PVT1: variants seen among roughly 807,000 people sequenced by gnomAD.
The protein encoded by PVT1 is Pvt1 oncogene, also known as CXCR4/PVT1 fusion.
At chr8:127,939,744 C>G (rs1048832479) in intron 3 of PVT1, 2 of 152,216 alleles carry the variant, frequency 1.3e-5, no homozygotes, top group African/African-American at 4.8e-5. Flanking sequence ...AGGCCTAAGA[C>G]CAGACCTAAG....
intron 3 of PVT1, among the ~76,000 whole-genome samples, chr8:127,944,176 C>T (rs1816388839): frequency 6.6e-6 from 1 of 152,176 alleles, no homozygotes; most frequent in Non-Finnish European, 1.5e-5. Flanking sequence ...CATCCTCAAA[C>T]TCCTGGGCTC....
At chr8:127,942,036 A>T (rs1045964397) in intron 3 of PVT1, among the ~76,000 whole-genome samples, 2 of 152,170 alleles carry the variant, frequency 1.3e-5, no homozygotes, top group Non-Finnish European at 2.9e-5. Context: ...GGGCACCCTG[A>T]GTCCCAGGTC....
intron 3 of PVT1, among the ~76,000 whole-genome samples, chr8:127,899,658 G>C (rs779326773): frequency 6.6e-6 from 1 of 152,186 alleles, no homozygotes; most frequent in Non-Finnish European, 1.5e-5. Context: ...TGATTATTTG[G>C]GGAGGGAGCC....
At chr8:127,895,569 G>A (rs563325576) in intron 3 of PVT1, among the ~76,000 whole-genome samples, 2 of 152,192 alleles carry the variant, frequency 1.3e-5, no homozygotes, top group African/African-American at 4.8e-5. Context: ...TTCATTCAGT[G>A]CCAGGCATAT....
At chr8:127,913,420 G>A (rs1290847253) in intron 3 of PVT1, among the ~76,000 whole-genome samples, 1 of 152,212 alleles carries the variant, frequency 6.6e-6, no homozygotes, top group Non-Finnish European at 1.5e-5. Context: ...GGGAGGCCAT[G>A]GGGTGTTAAG....
chr8:127,847,433 A>G (rs894025700), intron 2 of PVT1, among the ~76,000 whole-genome samples: 1 of 152,216 alleles, frequency 6.6e-6, no homozygotes, highest in Non-Finnish European at 1.5e-5. Context: ...CTACAAAAGC[A>G]TGTGCCCTTT....
At chr8:127,835,777 G>A (rs1814902754) in intron 2 of PVT1, among the ~76,000 whole-genome samples, 3 of 152,158 alleles carry the variant, frequency 2.0e-5, no homozygotes, top group African/African-American at 7.2e-5. Flanking sequence ...GTCAAGAAGA[G>A]GTTGGAATCA....
Position 128,083,111 on chromosome 8 carries a change from T to C in PVT1, n.1114+12750T>C, listed in dbSNP as rs80012528. On this transcript the variant is annotated intron_variant and non_coding_transcript_variant, in intron 5 of 10. Coordinates refer to ENST00000651587, the Ensembl canonical transcript of PVT1. The stretch of plus-strand genomic sequence containing the variant: ...TAATCTTGGCTCTGTGGCGTGACTT[T>C]AGACAAGTCACTTAGCTTCTCTGTG... Among the ~76,000 whole-genome samples the C allele has an allele frequency of 3.9e-3, 589 of 152,372 alleles. 2 individuals are homozygous for C. The highest frequency in any genetic ancestry group is 0.014 in the African/African-American group (566 of 41,592).
chr8:127,942,051 G>C (rs556351067), intron 3 of PVT1, among the ~76,000 whole-genome samples: 2 of 152,292 alleles, frequency 1.3e-5, no homozygotes, highest in Non-Finnish European at 2.9e-5. Flanking sequence ...CAGGTCCCCA[G>C]GCCCACAGAT....
intron 3 of PVT1, among the ~76,000 whole-genome samples, chr8:127,962,193 T>C (rs1816651811): frequency 6.6e-6 from 1 of 152,072 alleles, no homozygotes; most frequent in South Asian, 2.1e-4. Flanking sequence ...TCTCAATCTC[T>C]TGATCTCGTG....
intron 3 of PVT1, among the ~76,000 whole-genome samples, chr8:127,926,658 C>G (rs1214636414): frequency 6.6e-6 from 1 of 152,208 alleles, no homozygotes; most frequent in Non-Finnish European, 1.5e-5. Flanking sequence ...CTTCCTTTCT[C>G]CTGAGGTTGC....
intron 6 of PVT1, among the ~76,000 whole-genome samples, chr8:128,100,342 C>G (rs1295278998): frequency 1.3e-5 from 2 of 152,110 alleles, no homozygotes; most frequent in South Asian, 2.1e-4. Context: ...TCCTGGAGAT[C>G]GATGCATCCA....
chr8:127,865,975 G>T (rs886717132), intron 2 of PVT1, among the ~76,000 whole-genome samples: 1 of 152,160 alleles, frequency 6.6e-6, no homozygotes, highest in Non-Finnish European at 1.5e-5. Flanking sequence ...AAGTAGGCAG[G>T]GTTTGCAGAT....
chr8:128,021,289 G>GTTTTTTTTT (rs1332480547), intron 4 of PVT1, among the ~76,000 whole-genome samples: 7 of 54,880 alleles, frequency 1.3e-4, no homozygotes, highest in Admixed American at 2.3e-4. Flanking sequence ...CAGGACTTGT[G>GTTTTTTTTT]CTTTTTTTTT....
chr8:127,857,395 G>A (rs1815173813), intron 2 of PVT1, among the ~76,000 whole-genome samples: 1 of 152,044 alleles, frequency 6.6e-6, no homozygotes. Context: ...GGACAGGCTG[G>A]GGCATGGTGG....
chr8:128,097,036 G>C (rs2542412), intron 6 of PVT1, among the ~76,000 whole-genome samples: 31,089 of 152,098 alleles, frequency 0.2, 3,536 homozygotes, highest in East Asian at 0.4. Context: ...ACAACTCTAG[G>C]GTTACCTTTA....
chr8:127,994,645 C>T (rs1445767778), intron 4 of PVT1, among the ~76,000 whole-genome samples: 3 of 152,130 alleles, frequency 2.0e-5, no homozygotes, highest in Non-Finnish European at 4.4e-5. Context: ...AAGGTATTGG[C>T]TCATGCAATT....
chr8:127,909,483 G>A (rs1207985632), intron 3 of PVT1, among the ~76,000 whole-genome samples: 2 of 152,228 alleles, frequency 1.3e-5, no homozygotes, highest in Non-Finnish European at 2.9e-5. Flanking sequence ...TTTCCCAGCT[G>A]CAAAATGAGT....
At chr8:127,885,263 A>T (rs940026118) in intron 2 of PVT1, among the ~76,000 whole-genome samples, 2 of 152,034 alleles carry the variant, frequency 1.3e-5, no homozygotes, top group Non-Finnish European at 2.9e-5. Context: ...TGTGAGAATG[A>T]TAGATCCGTC....
Sources: gnomAD v4.1 joint callset for allele counts (sites outside exome capture counted in the v4.1 genomes callset) on GRCh38, gnomAD v4.1.1 for gene constraint, MANE v1.5 for transcripts, NCBI Gene and HGNC (gene_info 2026-07-23, HGNC 2026-07-21) for gene names.